CHD9: variants seen among roughly 807,000 people sequenced by gnomAD.
The protein encoded by CHD9 is chromodomain helicase DNA binding protein 9, also known as ATP-dependent chromatin remodeler CHD9.
A neutral mutation model predicts 316.1 loss-of-function variants in CHD9; 77 were observed. The observed-to-expected ratio is 0.24, with a 90% CI of 0.20 to 0.29. The LOEUF is 0.29. Ranked by LOEUF, CHD9 falls within the 10% of genes least tolerant of loss-of-function variation. The probability of loss-of-function intolerance (pLI) is 1.00; values close to 1 mark genes in which losing one functional copy is unlikely to be tolerated. For missense variants in CHD9, 2,763 were observed against 3,438.1 expected, an observed-to-expected ratio of 0.80 and a Z score of 4.91; for synonymous variants, 1,129 against 1,158.3, an observed-to-expected ratio of 0.97 and a Z score of 0.51.
At position 53,067,519 on chromosome 16, in the gene CHD9, A is replaced by G. The variant is rs529919909; in HGVS notation, c.-165+12442A>G. ...GTTTGTTGTGTGTCCTTAGTCTCCC[A>G]TTGACTGTGACATTTTCTATGAATT... On this transcript the variant is annotated intron_variant, in intron 1 of 38. Transcript: ENST00000447540. 1.5e-4 allele frequency among the ~76,000 whole-genome samples: 23 copies of G among 152,116 alleles called. 1 individual carries two copies. In the South Asian group the frequency reaches 4.8e-3, roughly 32 times the overall value.
At chr16:53,298,044 T>C (rs1253668545) in intron 30 of CHD9, among the ~76,000 whole-genome samples, 1 of 152,226 alleles carries the variant, frequency 6.6e-6, no homozygotes. Context: ...ATCAATAATA[T>C]AGTGATAGGA....
intron 13 of CHD9, 90 bp downstream of exon 13, chr16:53,243,106 T>G: frequency 3.3e-6 from 3 of 899,876 alleles, no homozygotes; most frequent in Non-Finnish European, 4.9e-6. Flanking sequence ...TTTTTCTTTT[T>G]AATTTTAGAG....
chr16:53,110,731 C>A (rs2037800437), intron 1 of CHD9, among the ~76,000 whole-genome samples: 1 of 152,138 alleles, frequency 6.6e-6, no homozygotes, highest in African/African-American at 2.4e-5. Flanking sequence ...AACTGCACTC[C>A]AGCCTGGGTG....
At chr16:53,322,603 A>C (rs974356415) in intron 38 of CHD9, among the ~76,000 whole-genome samples, 6 of 152,186 alleles carry the variant, frequency 3.9e-5, no homozygotes, top group Admixed American at 3.9e-4. Context: ...AAAAAAAAAA[A>C]AAACATATCT....
At chr16:53,227,965 A>G (rs950308624) in intron 7 of CHD9, among the ~76,000 whole-genome samples, 2 of 152,088 alleles carry the variant, frequency 1.3e-5, no homozygotes, top group African/African-American at 4.8e-5. Flanking sequence ...ACGCACCTGT[A>G]GTCCCAGCTA....
At chr16:53,318,431 A>G (rs2057037988) in intron 37 of CHD9, 91 bp downstream of exon 37, 2 of 985,666 alleles carry the variant, frequency 2.0e-6, no homozygotes, top group Admixed American at 3.1e-5. Flanking sequence ...GGTGTTTTCT[A>G]ACAGACCTGG....
chr16:53,133,579 T>C (rs762032528), intron 1 of CHD9, among the ~76,000 whole-genome samples: 1 of 152,226 alleles, frequency 6.6e-6, no homozygotes, highest in Non-Finnish European at 1.5e-5. Flanking sequence ...TGAGCCTTAG[T>C]TTCCTCCTGT....
chr16:53,280,055 A>C (rs1452363837), intron 24 of CHD9, among the ~76,000 whole-genome samples: 1 of 152,170 alleles, frequency 6.6e-6, no homozygotes, highest in Admixed American at 6.5e-5. Flanking sequence ...TGAACAAAAC[A>C]CTTCTACACT....
intron 2 of CHD9, among the ~76,000 whole-genome samples, chr16:53,196,503 G>C (rs1275490516): frequency 3.3e-5 from 5 of 152,112 alleles, no homozygotes; most frequent in African/African-American, 4.8e-5. Context: ...GTTCATTGAG[G>C]GTTTACCTTA....
rs750753772 is a variant in CHD9, at chr16:53,286,236, A to G, written c.5082A>G (p.Lys1694=). ...LIGVFKHGYE[K]YNTIRADPAL... ...TGGTGATGTTTTCAGGATATGAAAA[A>G]TATAACACTATTCGAGCAGACCCAG... is the stretch of plus-strand genomic sequence containing the variant. The change falls in exon 26 of 39, where the codon AAA becomes AAG. Residue 1694 remains lysine, a synonymous_variant. Transcript: ENST00000447540. 1 of 1,602,996 alleles carries G rather than the reference A, an allele frequency of 6.2e-7. No individual in the cohort carries two copies. Among genetic ancestry groups the G allele is most frequent in the East Asian group, 2.2e-5 (1 of 44,788 alleles).
At chr16:53,187,524 A>T (rs947097825) in intron 2 of CHD9, among the ~76,000 whole-genome samples, 1 of 152,102 alleles carries the variant, frequency 6.6e-6, no homozygotes, top group African/African-American at 2.4e-5. Flanking sequence ...AAAAAAGTGT[A>T]GAGTGAGAAA....
chr16:53,144,456 C>T (rs1213392927), intron 1 of CHD9, among the ~76,000 whole-genome samples: 1 of 151,910 alleles, frequency 6.6e-6, no homozygotes, highest in Non-Finnish European at 1.5e-5. Context: ...AATAAAATTT[C>T]TCTCTTGGAA....
chr16:53,215,811 T>C (rs1567495699), intron 3 of CHD9, among the ~76,000 whole-genome samples: 1 of 152,152 alleles, frequency 6.6e-6, no homozygotes, highest in Non-Finnish European at 1.5e-5. Flanking sequence ...TTGGGCAGGA[T>C]TGAAATAAGT....
At chr16:53,075,320 C>A (rs895077225) in intron 1 of CHD9, among the ~76,000 whole-genome samples, 4 of 152,010 alleles carry the variant, frequency 2.6e-5, no homozygotes, top group Non-Finnish European at 2.9e-5. Flanking sequence ...GAAGAGACTT[C>A]GGAATGTGGA....
chr16:53,088,195 T>C (rs992935676), intron 1 of CHD9, among the ~76,000 whole-genome samples: 2 of 151,788 alleles, frequency 1.3e-5, no homozygotes, highest in African/African-American at 4.8e-5. Flanking sequence ...AGAGAGATTC[T>C]GACAAAAGTC....
At chr16:53,056,453 A>G (rs2032130148) in intron 1 of CHD9, among the ~76,000 whole-genome samples, 1 of 152,248 alleles carries the variant, frequency 6.6e-6, no homozygotes, top group Admixed American at 6.5e-5. Context: ...CGGTAGAACT[A>G]TGAATACTGC....
In CHD9 at chr16:53,319,084, G is replaced by A. The variant is rs542648062; in HGVS notation, c.7713+744G>A. On this transcript the variant is annotated intron_variant, in intron 37 of 38. Coordinates refer to ENST00000447540, the MANE Select transcript of CHD9 (RefSeq NM_001308319.2). ...TACATAGATTTCTTGTTTTATGTTTGGATTAATATGTTTCTCTTTTACCTC... is the reference window on the plus strand; with the variant it reads ...TACATAGATTTCTTGTTTTATGTTTAGATTAATATGTTTCTCTTTTACCTC... Among the ~76,000 whole-genome samples, 3 of 152,204 alleles carry A rather than the reference G, an allele frequency of 2.0e-5. 1 individual carries two copies. The highest frequency in any genetic ancestry group is 1.9e-4 in the East Asian group (1 of 5,180).
rs68025976 is a variant in CHD9 at position 53,065,638 on chromosome 16, T to TAAAAAAA, written c.-165+10575_-165+10581dup. ...AACAAAGCCAGATTCTGTCTTAAAT[T>TAAAAAAA]AAAAAAAAAAAAAAAAAAAAGGAAG... On this transcript the variant is annotated intron_variant, in intron 1 of 38. Coordinates refer to ENST00000447540, the MANE Select transcript of CHD9 (RefSeq NM_001308319.2). Among the ~76,000 whole-genome samples, 7 of 103,406 alleles carry TAAAAAAA rather than the reference T, an allele frequency of 6.8e-5. 1 individual carries two copies. The highest frequency in any genetic ancestry group is 9.1e-5 in the Non-Finnish European group (5 of 55,024). The allele number at this position is 103,406 out of a possible 152,430, so 67.8% of individuals were successfully genotyped here. A position where few individuals can be genotyped will look rare whatever the true frequency, so the allele number is the denominator to read the frequency against.
chr16:53,227,191 G>A (rs2047731472), intron 5 of CHD9: 1 of 403,930 alleles, frequency 2.5e-6, no homozygotes, highest in African/African-American at 2.1e-5. Context: ...CAATATGTTT[G>A]CTACAGAGAT....
Sources: gnomAD v4.1 joint callset for allele counts (sites outside exome capture counted in the v4.1 genomes callset) on GRCh38, gnomAD v4.1.1 for gene constraint, MANE v1.5 for transcripts, NCBI Gene and HGNC (gene_info 2026-07-23, HGNC 2026-07-21) for gene names.